The following NDUFAF6 variants were observed in gnomAD, a reference collection of about 807,000 sequenced individuals.
NDUFAF6 encodes NADH:ubiquinone oxidoreductase complex assembly factor 6.
NDUFAF6 carries 45 observed loss-of-function variants against 40.8 expected under a neutral mutation model. The ratio of observed to expected loss-of-function variants is 1.10; its 90% CI spans 0.87 to 1.42. NDUFAF6 has a LOEUF of 1.42. Ranked by LOEUF, NDUFAF6 falls within the 40% of genes most tolerant of loss-of-function variation. The pLI is 0.00. For synonymous variants in NDUFAF6, 185 were observed against 155.9 expected (o/e 1.19, Z -1.39); for missense variants, 435 against 418.5 (o/e 1.04, Z -0.34).
At chr8:95,037,545 G>C (rs546682342) in intron 3 of NDUFAF6, among the ~76,000 whole-genome samples, 39 of 152,196 alleles carry the variant, frequency 2.6e-4, no homozygotes, top group Non-Finnish European at 4.6e-4. Flanking sequence ...CCTATGGGGA[G>C]AGTCCTGCCA....
intron 2 of NDUFAF6, among the ~76,000 whole-genome samples, chr8:94,948,719 A>G (rs2879813): frequency 0.51 from 76,895 of 152,010 alleles, 19,825 homozygotes; most frequent in East Asian, 0.73. Context: ...CGAGTCCCGA[A>G]GGGGCGGCCC....
chr8:94,956,762 A>G (rs922529873), upstream of NDUFAF6, among the ~76,000 whole-genome samples: 2 of 152,014 alleles, frequency 1.3e-5, no homozygotes, highest in Non-Finnish European at 2.9e-5. Context: ...TGAGATGAAG[A>G]TTTATTTTGA....
At chr8:94,911,118 C>T (rs140797799) in intron 1 of NDUFAF6, among the ~76,000 whole-genome samples, 7 of 152,228 alleles carry the variant, frequency 4.6e-5, no homozygotes, top group African/African-American at 1.2e-4. Context: ...AATTTGTTAC[C>T]GTGAGAGCAG....
upstream of NDUFAF6, among the ~76,000 whole-genome samples, chr8:94,957,204 G>A (rs1384447441): frequency 6.6e-6 from 1 of 152,084 alleles, no homozygotes; most frequent in Non-Finnish European, 1.5e-5. Flanking sequence ...ACAAAGAAAG[G>A]ATGAGGGACA....
At position 94,904,320 on chromosome 8, in the gene NDUFAF6, C is replaced by CTTTTTTTTTTTTT. The variant is rs57749627; in HGVS notation, c.-936+8418_-936+8430dup. Among the ~76,000 whole-genome samples the CTTTTTTTTTTTTT allele has an allele frequency of 7.6e-4, 26 of 34,134 alleles. 11 individuals carry two copies. The highest frequency in any genetic ancestry group is 2.5e-3 in the East Asian group (2 of 814). The allele number at this position is 34,134 out of a possible 152,430, so 22.4% of individuals were successfully genotyped here. A position where few individuals can be genotyped will look rare whatever the true frequency, so the allele number is the denominator to read the frequency against. The stretch of plus-strand genomic sequence containing the variant: ...CATCACACCTGGCTAATTTTTTTTG[C>CTTTTTTTTTTTTT]TTTTTTTTTTTTTTTTTTTTTTTTT... On this transcript the variant is annotated intron_variant, in intron 1 of 14. Coordinates refer to the NDUFAF6 transcript ENST00000396113.
upstream of NDUFAF6, among the ~76,000 whole-genome samples, chr8:95,022,735 A>G (rs545982661): frequency 3.3e-4 from 51 of 152,334 alleles, 1 homozygote; most frequent in South Asian, 9.9e-3. Context: ...AAGCCATAAA[A>G]GTAAATATTG....
chr8:95,062,600 T>C (rs1472580227), downstream of NDUFAF6, among the ~76,000 whole-genome samples: 4 of 152,196 alleles, frequency 2.6e-5, no homozygotes, highest in African/African-American at 7.2e-5. Context: ...CTCTAAATAC[T>C]TGTGCTTGTG....
At chr8:95,098,990 C>T (rs1381471187), upstream of NDUFAF6, among the ~76,000 whole-genome samples, 2 of 152,036 alleles carry the variant, frequency 1.3e-5, no homozygotes, top group Non-Finnish European at 2.9e-5. Flanking sequence ...CCTGTAATCC[C>T]AGCACTTTGG....
intron 2 of NDUFAF6, among the ~76,000 whole-genome samples, chr8:95,012,552 G>A (rs762940921): frequency 4.6e-5 from 7 of 152,166 alleles, no homozygotes; most frequent in African/African-American, 1.4e-4. Flanking sequence ...GCTCATGCCT[G>A]TAATCCCAGC....
Position 95,025,083 on chromosome 8 carries a change from G to C in NDUFAF6, c.75G>C (p.Pro25=). The change falls in exon 1 of 9, where the codon CCG becomes CCC. Residue 25 remains proline (P), a synonymous_variant. Transcript: ENST00000396124. ...TCCCCGGCCTGTGCTGCCGCCGGCCGCCTCTGGGTCTGTACGCGCGCATGC... is the reference window on the plus strand; with the variant it reads ...TCCCCGGCCTGTGCTGCCGCCGGCCCCCTCTGGGTCTGTACGCGCGCATGC... ...LGIPGLCCRR[P]PLGLYARMRR... The C allele has an allele frequency of 6.9e-7, 1 of 1,457,650 alleles. No homozygotes were observed. The highest frequency in any genetic ancestry group is 9.0e-7 in the Non-Finnish European group (1 of 1,115,734). 90.3% of individuals were successfully genotyped at this position (1,457,650 alleles called of 1,614,324 possible).
At position 95,006,400 on chromosome 8, in the gene NDUFAF6, G is replaced by A. The variant is rs1000872992; in HGVS notation, c.-84+25427G>A. 2.7e-3 allele frequency among the ~76,000 whole-genome samples: 404 copies of A among 148,324 alleles called. 1 individual carries two copies. The highest frequency in any genetic ancestry group is 5.0e-3 in the Non-Finnish European group (334 of 66,970). ...AAGAAAGAAAAGAAAAAGAAAAAAA[G>A]ACATCTCTGTAAGACTTATCTTTCA... On this transcript the variant is annotated intron_variant, in intron 2 of 9. Coordinates refer to the NDUFAF6 transcript ENST00000396111.
chr8:94,928,338 A>G (rs1456791390), intron 1 of NDUFAF6: 3 of 152,276 alleles, frequency 2.0e-5, no homozygotes, highest in Admixed American at 1.3e-4. Flanking sequence ...CTAACAACTT[A>G]CATGCAATGT....
At chr8:94,928,145 A>G (rs780496947) in intron 1 of NDUFAF6, 4 of 152,206 alleles carry the variant, frequency 2.6e-5, no homozygotes, top group Non-Finnish European at 5.9e-5. Flanking sequence ...CCCAACCTTG[A>G]AAAAAAGCCC....
intron 2 of NDUFAF6, among the ~76,000 whole-genome samples, chr8:94,987,651 CT>C (rs1390251049): frequency 2.0e-5 from 3 of 152,188 alleles, no homozygotes; most frequent in African/African-American, 7.2e-5. Flanking sequence ...TAGTTTTAGG[CT>C]GCTTAGGGGA....
intron 7 of NDUFAF6, among the ~76,000 whole-genome samples, chr8:95,050,476 A>G (rs1319459514): frequency 6.6e-6 from 1 of 152,192 alleles, no homozygotes; most frequent in East Asian, 1.9e-4. Context: ...CCATTTACTA[A>G]TCATGTAATC....
At chr8:95,060,237 A>T (rs1832538997), downstream of NDUFAF6, among the ~76,000 whole-genome samples, 1 of 152,184 alleles carries the variant, frequency 6.6e-6, no homozygotes, top group African/African-American at 2.4e-5. Context: ...GGTGTAAAAG[A>T]TACTCCCTTA....
chr8:95,103,788 C>G (rs1441136243), downstream of NDUFAF6, among the ~76,000 whole-genome samples: 1 of 152,200 alleles, frequency 6.6e-6, no homozygotes, highest in African/African-American at 2.4e-5. Context: ...TTCTTTCTTT[C>G]TTGGAGAAGA....
chr8:94,901,311 G>T (rs1319745916), intron 1 of NDUFAF6, among the ~76,000 whole-genome samples: 1 of 152,100 alleles, frequency 6.6e-6, no homozygotes, highest in Non-Finnish European at 1.5e-5. Context: ...GGGGAAAAGA[G>T]TAGAAGCAGG....
intron 1 of NDUFAF6, among the ~76,000 whole-genome samples, chr8:94,904,320 CTTTTTTTTTTTTTTTT>C (rs57749627): frequency 0.036 from 1,223 of 34,122 alleles, 45 homozygotes; most frequent in African/African-American, 0.16. Flanking sequence ...ATTTTTTTTG[CTTTTTTTTTTTTTTTT>C]TTTTTTTTTT....
Sources: gnomAD v4.1 joint callset for allele counts (sites outside exome capture counted in the v4.1 genomes callset) on GRCh38, gnomAD v4.1.1 for gene constraint, MANE v1.5 for transcripts, NCBI Gene and HGNC (gene_info 2026-07-23, HGNC 2026-07-21) for gene names.